The following GCNT1 variants were observed in gnomAD, a reference collection of about 807,000 sequenced individuals.
GCNT1 encodes the protein glucosaminyl (N-acetyl) transferase 1.
In GCNT1, 16 loss-of-function variants were observed where a neutral mutation model predicts 26.2. That is an observed-to-expected ratio of 0.61 (90% CI 0.41 to 0.93). GCNT1 has a LOEUF of 0.93. Ranked by LOEUF, GCNT1 falls within the 40% of genes least tolerant of loss-of-function variation. GCNT1 has a pLI of 0.00. For missense variants in GCNT1, 477 were observed against 526.7 expected (o/e 0.91, Z 0.92); for synonymous variants, 183 against 190.8 (o/e 0.96, Z 0.34).
chr9:76,474,394 C>T (rs978492875), intron 2 of GCNT1, among the ~76,000 whole-genome samples: 1 of 152,038 alleles, frequency 6.6e-6, no homozygotes, highest in Non-Finnish European at 1.5e-5. Flanking sequence ...CCAAGGAAGT[C>T]CTTTAAAAGC....
At chr9:76,425,137 TAAAAAAAA>T (rs1194003045) in intron 1 of GCNT1, among the ~76,000 whole-genome samples, 19 of 73,048 alleles carry the variant, frequency 2.6e-4, no homozygotes, top group South Asian at 5.8e-4. Flanking sequence ...AAACTCCGTC[TAAAAAAAA>T]AAAAAAAAAA....
chr9:76,436,354 G>T (rs1166153417), intron 1 of GCNT1, among the ~76,000 whole-genome samples: 3 of 152,010 alleles, frequency 2.0e-5, no homozygotes, highest in Non-Finnish European at 2.9e-5. Flanking sequence ...TTGGGAGGCA[G>T]AGGCAGGCAG....
intron 2 of GCNT1, among the ~76,000 whole-genome samples, chr9:76,479,749 T>A (rs999699787): frequency 6.6e-6 from 1 of 152,256 alleles, no homozygotes; most frequent in Non-Finnish European, 1.5e-5. Context: ...AGATTCTGGA[T>A]ATTAGCCGTT....
chr9:76,503,557 G>A lies in GCNT1; in HGVS notation c.1176G>A (p.Leu392=). Residue 392 remains leucine, a synonymous_variant, in exon 4 of 4, where the codon CTG becomes CTA. Coordinates refer to ENST00000376730, the MANE Select transcript of GCNT1 (RefSeq NM_001490.5). ...IFGAGDLNWM[L]RKHHLFANKF... ...GAGCTGGTGACTTGAACTGGATGCTGCGCAAACACCACTTGTTTGCCAATA... is the reference window on the plus strand; with the variant it reads ...GAGCTGGTGACTTGAACTGGATGCTACGCAAACACCACTTGTTTGCCAATA... 6.2e-7 allele frequency: 1 copy of A among 1,614,140 alleles called. No homozygotes were observed. Among genetic ancestry groups the A allele is most frequent in the Non-Finnish European group, 8.5e-7 (1 of 1,180,000 alleles).
chr9:76,476,318 C>CTAA (rs972494548), intron 2 of GCNT1, among the ~76,000 whole-genome samples: 2 of 151,820 alleles, frequency 1.3e-5, no homozygotes, highest in African/African-American at 4.8e-5. Context: ...CCAGGGCCAC[C>CTAA]TAATCTTTAA....
upstream of GCNT1, among the ~76,000 whole-genome samples, chr9:76,441,042 G>A (rs1823476965): frequency 7.2e-6 from 1 of 139,602 alleles, no homozygotes; most frequent in Non-Finnish European, 1.6e-5. Flanking sequence ...TCCAGCCTGG[G>A]CAACAAAGAG....
chr9:76,493,669 A>G lies in GCNT1; in HGVS notation c.-289-7247A>G, dbSNP rs575885491. ...CGGGGGAGATTAGAGGAGGCTCATCATTAATAGGAAGGAGAGCTATAGGGA... is the reference window on the plus strand; with the variant it reads ...CGGGGGAGATTAGAGGAGGCTCATCGTTAATAGGAAGGAGAGCTATAGGGA... On this transcript the variant is annotated intron_variant, in intron 2 of 3. Transcript: ENST00000376730. Among the ~76,000 whole-genome samples the G allele has an allele frequency of 1.5e-3, 232 of 152,218 alleles. 1 individual carries two copies. Among genetic ancestry groups the G allele is most frequent in the Middle Eastern group, 0.014 (4 of 294 alleles).
chr9:76,478,835 T>G (rs1165434051), intron 2 of GCNT1, among the ~76,000 whole-genome samples: 2 of 152,270 alleles, frequency 1.3e-5, no homozygotes, highest in African/African-American at 2.4e-5. Context: ...AAGCCATATA[T>G]GTATTTCTAG....
chr9:76,475,655 G>A (rs569137254), intron 2 of GCNT1, among the ~76,000 whole-genome samples: 5 of 152,304 alleles, frequency 3.3e-5, no homozygotes, highest in South Asian at 2.1e-4. Flanking sequence ...ATAGCTTCAC[G>A]GAGACAGAGT....
At chr9:76,451,948 C>CTTTTTTTTTTTTTTTTTTTTTTT (rs747978017) in intron 1 of GCNT1, among the ~76,000 whole-genome samples, 12 of 98,398 alleles carry the variant, frequency 1.2e-4, no homozygotes, top group East Asian at 2.4e-4. Context: ...TTCTTTCTTT[C>CTTTTTTTTTTTTTTTTTTTTTTT]TTTTTTTTTT....
upstream of GCNT1, among the ~76,000 whole-genome samples, chr9:76,417,975 A>G (rs1823147014): frequency 6.6e-6 from 1 of 152,188 alleles, no homozygotes; most frequent in African/African-American, 2.4e-5. Context: ...AATAGAAGTG[A>G]CCATAGCCCA....
At chr9:76,463,794 G>C (rs145096670) in intron 2 of GCNT1, among the ~76,000 whole-genome samples, 4 of 152,168 alleles carry the variant, frequency 2.6e-5, no homozygotes, top group South Asian at 4.1e-4. Flanking sequence ...ATCTTAAGTG[G>C]TACTTAGGAA....
intron 1 of GCNT1, among the ~76,000 whole-genome samples, chr9:76,450,578 A>C (rs1408532934): frequency 6.6e-6 from 1 of 152,200 alleles, no homozygotes; most frequent in African/African-American, 2.4e-5. Context: ...TATGTTTATC[A>C]ATCTTTTTCA....
In GCNT1 at chr9:76,507,258, G is replaced by A. The variant is rs548528612; in HGVS notation, c.*3590G>A. The A allele has an allele frequency of 1.6e-4, 26 of 167,080 alleles. No individual in the cohort carries two copies. Among genetic ancestry groups the A allele is most frequent in the African/African-American group, 3.4e-4 (14 of 41,554 alleles). The allele number at this position is 167,080 out of a possible 1,614,324, so 10.3% of individuals were successfully genotyped here. ...AGCTGAAAAACCGTTAAGCCTCTACGATTTTTAAGTAAGTTGGGGACCATC... is the reference window on the plus strand; with the variant it reads ...AGCTGAAAAACCGTTAAGCCTCTACAATTTTTAAGTAAGTTGGGGACCATC... On this transcript the variant is annotated 3_prime_UTR_variant, in exon 4 of 4. Transcript: ENST00000376730.
At chr9:76,478,195 A>T (rs565830206) in intron 2 of GCNT1, among the ~76,000 whole-genome samples, 2 of 152,296 alleles carry the variant, frequency 1.3e-5, no homozygotes, top group East Asian at 3.9e-4. Flanking sequence ...CATGTAGTGG[A>T]AACTTGGTTC....
intron 2 of GCNT1, among the ~76,000 whole-genome samples, chr9:76,485,206 T>TC (rs1197960306): frequency 1.3e-5 from 2 of 152,204 alleles, no homozygotes; most frequent in African/African-American, 4.8e-5. Context: ...GGAGTCTCAC[T>TC]CCGTCACCCA....
chr9:76,399,080 A>G, the GCNT1 span: 2 of 1,595,206 alleles, frequency 1.3e-6, no homozygotes, highest in Non-Finnish European at 1.7e-6. Flanking sequence ...TACTGACCCC[A>G]GGGCTGACCA....
At chr9:76,438,136 A>C (rs967653212), upstream of GCNT1, among the ~76,000 whole-genome samples, 3 of 152,264 alleles carry the variant, frequency 2.0e-5, no homozygotes, top group African/African-American at 7.2e-5. Context: ...ACACAGCCTC[A>C]GGAGGTCCTG....
upstream of GCNT1, among the ~76,000 whole-genome samples, chr9:76,414,868 A>G (rs1823119221): frequency 6.6e-6 from 1 of 152,134 alleles, no homozygotes; most frequent in Admixed American, 6.5e-5. Flanking sequence ...CTGACGTGTG[A>G]TACCAGTCCT....
Sources: gnomAD v4.1 joint callset for allele counts (sites outside exome capture counted in the v4.1 genomes callset) on GRCh38, gnomAD v4.1.1 for gene constraint, MANE v1.5 for transcripts, NCBI Gene and HGNC (gene_info 2026-07-23, HGNC 2026-07-21) for gene names.